Variants in CCDC149 observed in about 807,000 individuals in gnomAD.
CCDC149 encodes the protein coiled-coil domain-containing protein 149.
A neutral mutation model predicts 59.9 loss-of-function variants in CCDC149; 45 were observed. The ratio of observed to expected loss-of-function variants is 0.75; its 90% CI spans 0.59 to 0.96. The LOEUF (loss-of-function observed/expected upper bound fraction) is 0.96, where lower values mean the gene tolerates loss of function less well. CCDC149 is among the 40% of genes least tolerant of loss of function. The pLI, the probability that CCDC149 is intolerant of heterozygous loss-of-function variation, is 0.00. For synonymous variants in CCDC149, 245 were observed against 260.6 expected, an observed-to-expected ratio of 0.94 and a Z score of 0.58; for missense variants, 584 against 664.7, an observed-to-expected ratio of 0.88 and a Z score of 1.33.
At chr4:24,948,802 G>A (rs1723194673) in intron 1 of CCDC149, among the ~76,000 whole-genome samples, 1 of 152,156 alleles carries the variant, frequency 6.6e-6, no homozygotes, top group Non-Finnish European at 1.5e-5. Context: ...CTGGTGGGAG[G>A]TAATTGAATA....
intron 1 of CCDC149, among the ~76,000 whole-genome samples, chr4:24,896,195 A>G (rs757806727): frequency 4.6e-5 from 7 of 152,226 alleles, no homozygotes; most frequent in Non-Finnish European, 8.8e-5. Context: ...CTGAATTACC[A>G]TGTCTTTGTT....
chr4:24,927,362 T>A lies in CCDC149; in HGVS notation c.-64-32244A>T, dbSNP rs114265052. Among the ~76,000 whole-genome samples the A allele has an allele frequency of 3.9e-3, 594 of 152,352 alleles. 4 individuals carry two copies. The highest frequency in any genetic ancestry group is 0.014 in the African/African-American group (576 of 41,586). ...AGAAAAGTTGAAACGTAAGGCAAGA[T>A]GCCAAATTCAGTCTCAATTGAACAT... On this transcript the variant is annotated intron_variant, in intron 1 of 12. Transcript: ENST00000389609.
At chr4:24,956,019 C>A (rs1723454335) in intron 1 of CCDC149, among the ~76,000 whole-genome samples, 1 of 152,118 alleles carries the variant, frequency 6.6e-6, no homozygotes. Context: ...AAGGAGATGG[C>A]AGAAAGTTTA....
intron 1 of CCDC149, among the ~76,000 whole-genome samples, chr4:24,904,732 A>G (rs1023950810): frequency 6.6e-6 from 1 of 152,120 alleles, no homozygotes; most frequent in Admixed American, 6.6e-5. Context: ...TTTCCATTCT[A>G]ATAGGTATGT....
intron 1 of CCDC149, among the ~76,000 whole-genome samples, chr4:24,965,391 T>C (rs1256282827): frequency 6.7e-6 from 1 of 150,258 alleles, no homozygotes; most frequent in Non-Finnish European, 1.5e-5. Flanking sequence ...TATATTGTAA[T>C]ACCTAGAACA....
intron 4 of CCDC149, among the ~76,000 whole-genome samples, chr4:24,841,041 C>CT (rs1716903266): frequency 1.3e-5 from 2 of 152,134 alleles, no homozygotes; most frequent in South Asian, 4.2e-4. Context: ...TGCAAAAACT[C>CT]TATCACATCA....
At chr4:24,932,605 T>C (rs906470161) in intron 1 of CCDC149, among the ~76,000 whole-genome samples, 6 of 152,142 alleles carry the variant, frequency 3.9e-5, no homozygotes, top group Non-Finnish European at 5.9e-5. Flanking sequence ...TAAATCCAGA[T>C]CCCCAGAGAC....
At chr4:24,977,472 C>T (rs530283744) in intron 1 of CCDC149, among the ~76,000 whole-genome samples, 1 of 152,274 alleles carries the variant, frequency 6.6e-6, no homozygotes, top group African/African-American at 2.4e-5. Context: ...TATAGTTAAG[C>T]CAGTTTGAAT....
intron 1 of CCDC149, among the ~76,000 whole-genome samples, chr4:24,945,871 C>G (rs924214709): frequency 6.6e-6 from 1 of 152,132 alleles, no homozygotes. Flanking sequence ...ATCCACCCAC[C>G]TGGGCCTCCA....
At chr4:24,942,450 G>A (rs995894902) in intron 1 of CCDC149, among the ~76,000 whole-genome samples, 6 of 152,172 alleles carry the variant, frequency 3.9e-5, no homozygotes, top group African/African-American at 1.4e-4. Flanking sequence ...ATACTGAATG[G>A]ACAAAATCTG....
chr4:24,931,829 G>GTATATATATATATATATA (rs57205804), intron 1 of CCDC149, among the ~76,000 whole-genome samples: 1,770 of 76,728 alleles, frequency 0.023, 151 homozygotes, highest in East Asian at 0.041. Flanking sequence ...TGGAGAGTAT[G>GTATATATATATATATATA]TATATATATA....
intron 9 of CCDC149, chr4:24,823,186 G>C (rs1715522625): frequency 6.6e-6 from 1 of 152,090 alleles, no homozygotes; most frequent in Non-Finnish European, 1.5e-5. Context: ...AATTAGCTAT[G>C]GGAAGAATGA....
intron 3 of CCDC149, among the ~76,000 whole-genome samples, chr4:24,869,329 A>C: frequency 6.6e-6 from 1 of 152,220 alleles, no homozygotes; most frequent in Non-Finnish European, 1.5e-5. Context: ...AGGAGGAAGC[A>C]GGCGCAGAAA....
chr4:24,908,850 A>T (rs916552881), intron 1 of CCDC149, among the ~76,000 whole-genome samples: 31 of 152,376 alleles, frequency 2.0e-4, no homozygotes, highest in African/African-American at 7.0e-4. Context: ...AAATAGTGAA[A>T]TGGAATTATG....
At chr4:24,920,626 T>C (rs778662900) in intron 1 of CCDC149, among the ~76,000 whole-genome samples, 4 of 152,206 alleles carry the variant, frequency 2.6e-5, no homozygotes, top group Non-Finnish European at 5.9e-5. Context: ...TAGATGGTCA[T>C]AGAATGGAGC....
At chr4:24,897,892 C>A (rs532723073) in intron 1 of CCDC149, among the ~76,000 whole-genome samples, 78 of 152,242 alleles carry the variant, frequency 5.1e-4, no homozygotes, top group African/African-American at 1.8e-3. Context: ...TCTGGCAAAG[C>A]CAGAGAATGT....
chr4:24,894,816 A>T (rs1284564863), intron 1 of CCDC149, among the ~76,000 whole-genome samples: 3 of 152,100 alleles, frequency 2.0e-5, no homozygotes, highest in African/African-American at 7.2e-5. Flanking sequence ...CACAGAAGGC[A>T]CAAGCAGGCC....
intron 4 of CCDC149, among the ~76,000 whole-genome samples, chr4:24,843,303 C>A (rs1342754242): frequency 6.6e-6 from 1 of 152,192 alleles, no homozygotes; most frequent in Non-Finnish European, 1.5e-5. Flanking sequence ...TGCCCCCAGT[C>A]CCCGTGTACT....
intron 9 of CCDC149, 135 bp downstream of exon 9, chr4:24,831,371 A>G (rs1416126611): frequency 1.2e-6 from 1 of 829,860 alleles, no homozygotes; most frequent in Non-Finnish European, 1.9e-6. Context: ...TTCTAGTTTA[A>G]TAAGTTTCCT....
Sources: allele counts gnomAD v4.1 joint callset (sites outside exome capture counted in the v4.1 genomes callset), GRCh38; gene constraint gnomAD v4.1.1; transcripts MANE v1.5; gene names NCBI Gene and HGNC (gene_info 2026-07-23, HGNC 2026-07-21).